Variants in SPATS2 observed in about 807,000 individuals in gnomAD.
SPATS2 encodes the protein spermatogenesis-associated serine-rich protein 2.
SPATS2 carries 38 observed loss-of-function variants against 63.7 expected under a neutral mutation model. The ratio of observed to expected loss-of-function variants is 0.60; its 90% CI spans 0.46 to 0.78. The LOEUF (loss-of-function observed/expected upper bound fraction) is 0.78. SPATS2 is among the 30% of genes least tolerant of loss of function. The pLI, the probability that SPATS2 is intolerant of heterozygous loss-of-function variation, is 0.00. For synonymous variants in SPATS2, 207 were observed against 232.9 expected (o/e 0.89, Z 1.01); for missense variants, 588 against 666.2 (o/e 0.88, Z 1.29).
chr12:49,382,373 C>T (rs561333901), intron 2 of SPATS2, among the ~76,000 whole-genome samples: 1 of 152,362 alleles, frequency 6.6e-6, no homozygotes, highest in African/African-American at 2.4e-5. Flanking sequence ...CAGTTTTCTT[C>T]CCCATGGATA....
chr12:49,483,817 C>T (rs1946246078), intron 3 of SPATS2, among the ~76,000 whole-genome samples: 1 of 152,206 alleles, frequency 6.6e-6, no homozygotes, highest in South Asian at 2.1e-4. Context: ...ACTGCTGAAT[C>T]ACAACCTACA....
chr12:49,516,157 AAAAAAAAAAATATATATAT>A (rs1213520360), intron 10 of SPATS2, among the ~76,000 whole-genome samples: 3 of 43,896 alleles, frequency 6.8e-5, no homozygotes, highest in African/African-American at 2.2e-4. Context: ...AAAAAAAAAA[AAAAAAAAAAATATATATAT>A]ATATATATAT....
At chr12:49,504,494 C>A (rs746278487) in intron 9 of SPATS2, among the ~76,000 whole-genome samples, 2 of 152,036 alleles carry the variant, frequency 1.3e-5, no homozygotes, top group Non-Finnish European at 2.9e-5. Flanking sequence ...TATATAAACT[C>A]CTTTGGAAGA....
intron 9 of SPATS2, among the ~76,000 whole-genome samples, chr12:49,514,268 ATCTGCTGGTTC>A (rs1480131720): frequency 6.6e-6 from 1 of 152,162 alleles, no homozygotes; most frequent in East Asian, 1.9e-4. Context: ...TGCTACTGCC[ATCTGCTGGTTC>A]TCAACTCTTA....
chr12:49,484,574 TC>T lies in SPATS2; in HGVS notation c.26-13del. The T allele has an allele frequency of 1.9e-6, 3 of 1,611,732 alleles. No individual in the cohort carries two copies. Among genetic ancestry groups the T allele is most frequent in the Non-Finnish European group, 2.5e-6 (3 of 1,178,122 alleles). The stretch of plus-strand genomic sequence containing the variant: ...ATTTGGATCATGTTGAATATATTTT[TC>T]CCTTATTCTTTCAGATTCATCAGGA... On this transcript the variant is annotated splice_polypyrimidine_tract_variant and intron_variant, in intron 3 of 13. Transcript: ENST00000552918.
At chr12:49,518,074 G>T (rs1448833246) in intron 10 of SPATS2, among the ~76,000 whole-genome samples, 1 of 152,170 alleles carries the variant, frequency 6.6e-6, no homozygotes. Flanking sequence ...AGTGATTTCA[G>T]ATCTTCCAAG....
At chr12:49,380,881 CTT>C (rs773377635) in intron 2 of SPATS2, among the ~76,000 whole-genome samples, 45 of 136,140 alleles carry the variant, frequency 3.3e-4, no homozygotes, top group African/African-American at 9.3e-4. Flanking sequence ...TATAGTAATT[CTT>C]TTTTTTTTTT....
At chr12:49,472,258 A>AT (rs200430137) in intron 3 of SPATS2, among the ~76,000 whole-genome samples, 34 of 151,112 alleles carry the variant, frequency 2.2e-4, no homozygotes, top group East Asian at 9.7e-4. Context: ...ACATATGGCT[A>AT]TTTTTTTTTG....
chr12:49,406,795 G>A (rs756079853), intron 2 of SPATS2, among the ~76,000 whole-genome samples: 5 of 151,878 alleles, frequency 3.3e-5, no homozygotes, highest in South Asian at 2.1e-4. Flanking sequence ...GTAAGAATTC[G>A]TCTTGATACT....
chr12:49,521,199 C>T (rs1041091678), intron 11 of SPATS2, among the ~76,000 whole-genome samples: 9 of 152,190 alleles, frequency 5.9e-5, no homozygotes, highest in African/African-American at 2.2e-4. Flanking sequence ...TTTCTGAACA[C>T]ATAAGATTTA....
chr12:49,392,069 A>G (rs1327358635), intron 2 of SPATS2, among the ~76,000 whole-genome samples: 9 of 152,244 alleles, frequency 5.9e-5, no homozygotes, highest in Non-Finnish European at 2.9e-5. Flanking sequence ...GAAATAAGCT[A>G]CACAATTGAG....
At chr12:49,451,069 A>T (rs1487099084) in intron 2 of SPATS2, among the ~76,000 whole-genome samples, 1 of 130,488 alleles carries the variant, frequency 7.7e-6, no homozygotes, top group Admixed American at 7.6e-5. Flanking sequence ...ATGGGATTTT[A>T]CCATGTTGGC....
chr12:49,390,138 C>A, intron 2 of SPATS2: 1 of 1,542,714 alleles, frequency 6.5e-7, no homozygotes. Flanking sequence ...TAGTGACCAA[C>A]AGTGACTTGA....
intron 1 of SPATS2, among the ~76,000 whole-genome samples, chr12:49,368,749 T>G (rs1479263983): frequency 6.6e-6 from 1 of 152,194 alleles, no homozygotes; most frequent in Non-Finnish European, 1.5e-5. Context: ...GTGATTGTAC[T>G]AGATAGAAAA....
intron 9 of SPATS2, among the ~76,000 whole-genome samples, chr12:49,512,013 C>G (rs1020165615): frequency 3.3e-5 from 5 of 152,168 alleles, no homozygotes; most frequent in Non-Finnish European, 7.3e-5. Context: ...CATGTCACCC[C>G]TAAATGCTTT....
chr12:49,375,703 G>A (rs1944087996), intron 2 of SPATS2, among the ~76,000 whole-genome samples: 1 of 152,204 alleles, frequency 6.6e-6, no homozygotes, highest in African/African-American at 2.4e-5. Context: ...GACATGTGAT[G>A]AAAACAGTGA....
chr12:49,465,876 G>A (rs956501408), intron 3 of SPATS2, among the ~76,000 whole-genome samples: 18 of 152,054 alleles, frequency 1.2e-4, no homozygotes, highest in South Asian at 4.1e-4. Flanking sequence ...CCCGGGAGGC[G>A]GAGGTTGCAG....
intron 3 of SPATS2, among the ~76,000 whole-genome samples, chr12:49,472,899 C>T (rs1052053494): frequency 2.0e-5 from 3 of 151,090 alleles, no homozygotes; most frequent in African/African-American, 4.9e-5. Flanking sequence ...ATTAGCCAGA[C>T]GTGGTGGCGC....
chr12:49,470,564 T>C (rs1946017136), intron 3 of SPATS2, among the ~76,000 whole-genome samples: 1 of 152,190 alleles, frequency 6.6e-6, no homozygotes, highest in African/African-American at 2.4e-5. Context: ...GAAAGAAAAA[T>C]ATAACTTAGG....
Sources: gnomAD v4.1 joint callset for allele counts (sites outside exome capture counted in the v4.1 genomes callset) on GRCh38, gnomAD v4.1.1 for gene constraint, MANE v1.5 for transcripts, NCBI Gene and HGNC (gene_info 2026-07-23, HGNC 2026-07-21) for gene names.